TPRG1: variants seen among roughly 807,000 people sequenced by gnomAD.
TPRG1 encodes the protein tumor protein p63-regulated gene 1 protein.
TPRG1 carries 29 observed loss-of-function variants against 29.3 expected under a neutral mutation model. That is an observed-to-expected ratio of 0.99 (90% CI 0.74 to 1.35). The LOEUF is 1.35. Ranked by LOEUF, TPRG1 falls within the 40% of genes most tolerant of loss-of-function variation. The pLI is 0.00. For missense variants in TPRG1, 327 were observed against 335.0 expected, an observed-to-expected ratio of 0.98 and a Z score of 0.19; for synonymous variants, 130 against 116.8, an observed-to-expected ratio of 1.11 and a Z score of -0.73.
intron 3 of TPRG1, among the ~76,000 whole-genome samples, chr3:189,136,549 C>A (rs975329394): frequency 1.3e-5 from 2 of 152,154 alleles, no homozygotes; most frequent in Non-Finnish European, 2.9e-5. Context: ...GCTAAAGACT[C>A]CTGGCTTCAA....
intron 4 of TPRG1, among the ~76,000 whole-genome samples, chr3:189,093,167 A>G (rs567925773): frequency 6.6e-6 from 1 of 152,186 alleles, no homozygotes; most frequent in South Asian, 2.1e-4. Flanking sequence ...AAGAAGAAAT[A>G]AAAGAAAGTA....
chr3:189,183,898 G>A (rs535822305), intron 1 of TPRG1, among the ~76,000 whole-genome samples: 2 of 151,624 alleles, frequency 1.3e-5, no homozygotes, highest in African/African-American at 4.8e-5. Flanking sequence ...CGAGATGACA[G>A]GATTAAGAGA....
chr3:189,106,342 G>A (rs1484992092), intron 1 of TPRG1, among the ~76,000 whole-genome samples: 1 of 151,952 alleles, frequency 6.6e-6, no homozygotes, highest in South Asian at 2.1e-4. Flanking sequence ...ATTTTGGTCT[G>A]CCAACTTTTC....
intron 1 of TPRG1, among the ~76,000 whole-genome samples, chr3:189,184,532 A>G (rs919936826): frequency 8.0e-5 from 12 of 149,170 alleles, no homozygotes; most frequent in Admixed American, 8.0e-4. Context: ...TTAAGGGAAG[A>G]TTTCTTTTTC....
intron 4 of TPRG1, among the ~76,000 whole-genome samples, chr3:189,279,046 T>G (rs1198207083): frequency 6.6e-6 from 1 of 152,226 alleles, no homozygotes; most frequent in Non-Finnish European, 1.5e-5. Context: ...AAGGACTAGA[T>G]AGTAAATATC....
intron 4 of TPRG1, among the ~76,000 whole-genome samples, chr3:189,272,800 T>G (rs941224058): frequency 6.6e-6 from 1 of 151,224 alleles, no homozygotes; most frequent in African/African-American, 2.4e-5. Context: ...CTACAAAGGC[T>G]CAATACTAAA....
intron 4 of TPRG1, among the ~76,000 whole-genome samples, chr3:189,076,772 G>C (rs1048065636): frequency 6.6e-6 from 1 of 151,920 alleles, no homozygotes; most frequent in African/African-American, 2.4e-5. Context: ...CTAGGCAAAT[G>C]TATCACTGTT....
intron 1 of TPRG1, among the ~76,000 whole-genome samples, chr3:189,206,285 G>A (rs1734357216): frequency 6.6e-6 from 1 of 151,450 alleles, no homozygotes; most frequent in Non-Finnish European, 1.5e-5. Context: ...CACACTTTCA[G>A]TGATAACATT....
At chr3:189,114,820 A>G (rs562501958) in intron 1 of TPRG1, among the ~76,000 whole-genome samples, 1 of 152,166 alleles carries the variant, frequency 6.6e-6, no homozygotes, top group African/African-American at 2.4e-5. Context: ...GGTATTTAAG[A>G]GTTAAATAGA....
chr3:189,099,171 G>A (rs557017336), upstream of TPRG1, among the ~76,000 whole-genome samples: 11 of 152,256 alleles, frequency 7.2e-5, no homozygotes, highest in South Asian at 1.9e-3. Context: ...CCCCACAAGC[G>A]GCGCTCCCCT....
At chr3:189,175,568 G>A (rs528723394) in intron 1 of TPRG1, among the ~76,000 whole-genome samples, 14 of 152,270 alleles carry the variant, frequency 9.2e-5, no homozygotes, top group East Asian at 3.9e-4. Flanking sequence ...TTTGTAAGTC[G>A]TCAGTGAGAG....
intron 4 of TPRG1, among the ~76,000 whole-genome samples, chr3:189,037,031 G>GA (rs63612761): frequency 0.93 from 136,035 of 146,136 alleles, 63,354 homozygotes; most frequent in East Asian, 1. Context: ...AGTGACTTCT[G>GA]AAAAAAAAAA....
intron 4 of TPRG1, among the ~76,000 whole-genome samples, chr3:189,271,255 G>A (rs1715077735): frequency 6.6e-6 from 1 of 152,192 alleles, no homozygotes; most frequent in Non-Finnish European, 1.5e-5. Context: ...TATAAAATCA[G>A]TTGGCTCAAA....
chr3:189,194,300 C>CTT (rs1365320109), intron 1 of TPRG1, among the ~76,000 whole-genome samples: 1 of 152,176 alleles, frequency 6.6e-6, no homozygotes, highest in Non-Finnish European at 1.5e-5. Context: ...TCTCTCCTTA[C>CTT]TTTTCCTACA....
chr3:189,222,229 G>A (rs1737052009), intron 3 of TPRG1, among the ~76,000 whole-genome samples: 1 of 152,068 alleles, frequency 6.6e-6, no homozygotes, highest in Non-Finnish European at 1.5e-5. Flanking sequence ...AATGCTGATG[G>A]ACTAAAGCCA....
intron 3 of TPRG1, among the ~76,000 whole-genome samples, chr3:189,014,608 G>A (rs1712823523): frequency 6.6e-6 from 1 of 152,186 alleles, no homozygotes; most frequent in Non-Finnish European, 1.5e-5. Context: ...CAAGGTGACT[G>A]AATCATGGGG....
intron 4 of TPRG1, among the ~76,000 whole-genome samples, chr3:189,256,319 A>G (rs1241298040): frequency 2.0e-5 from 3 of 152,130 alleles, no homozygotes; most frequent in East Asian, 3.9e-4. Context: ...GTAGTTGTGC[A>G]GTTTTGAGTG....
At chr3:189,178,692 G>A (rs1729819604) in intron 1 of TPRG1, among the ~76,000 whole-genome samples, 1 of 152,168 alleles carries the variant, frequency 6.6e-6, no homozygotes, top group South Asian at 2.1e-4. Context: ...CAAATTAATA[G>A]CAGATGGTAT....
At chr3:189,232,217 CTCTG>C (rs994224303) in intron 3 of TPRG1, among the ~76,000 whole-genome samples, 12 of 152,062 alleles carry the variant, frequency 7.9e-5, no homozygotes, top group African/African-American at 2.9e-4. Flanking sequence ...TATGGGGATA[CTCTG>C]TCTGTCTTAT....
Sources: allele counts gnomAD v4.1 joint callset (sites outside exome capture counted in the v4.1 genomes callset), GRCh38; gene constraint gnomAD v4.1.1; transcripts MANE v1.5; gene names NCBI Gene and HGNC (gene_info 2026-07-23, HGNC 2026-07-21).